Variants in FBN2 observed in about 807,000 individuals in gnomAD.
The protein encoded by FBN2 is fibrillin-2.
A neutral mutation model predicts 355.6 loss-of-function variants in FBN2; 105 were observed. That is an observed-to-expected ratio of 0.30 (90% CI 0.25 to 0.35). FBN2 has a LOEUF of 0.35. Among genes scored for constraint, FBN2 ranks in the 10% least tolerant of loss-of-function variants. The pLI, the probability that FBN2 is intolerant of heterozygous loss-of-function variation, is 1.00. For missense variants in FBN2, 3,280 were observed against 3,758.7 expected (o/e 0.87, Z 3.33); for synonymous variants, 1,350 against 1,301.2 (o/e 1.04, Z -0.81).
chr5:128,311,015 T>C (rs903546294), intron 39 of FBN2, among the ~76,000 whole-genome samples: 1 of 152,166 alleles, frequency 6.6e-6, no homozygotes, highest in Admixed American at 6.5e-5. Context: ...TATCAATATT[T>C]TCACTAATAA....
At chr5:128,382,729 C>T (rs1021677259) in intron 11 of FBN2, among the ~76,000 whole-genome samples, 2 of 152,052 alleles carry the variant, frequency 1.3e-5, no homozygotes, top group African/African-American at 2.4e-5. Context: ...TCTTTGACTC[C>T]CCACAACTAA....
chr5:128,530,196 A>C (rs1050480823), intron 3 of FBN2, among the ~76,000 whole-genome samples: 6 of 152,216 alleles, frequency 3.9e-5, no homozygotes, highest in Non-Finnish European at 7.3e-5. Flanking sequence ...GTTGGCAGTT[A>C]ATACATGTGA....
intron 8 of FBN2, among the ~76,000 whole-genome samples, chr5:128,400,130 T>A (rs2126988350): frequency 6.6e-6 from 1 of 152,078 alleles, no homozygotes; most frequent in East Asian, 1.9e-4. Context: ...ACATAGTAGG[T>A]ATATACTTAA....
chr5:128,328,064 T>C (rs1412387434), intron 34 of FBN2: 1 of 158,832 alleles, frequency 6.3e-6, no homozygotes, highest in African/African-American at 2.4e-5. Context: ...CATAACACAA[T>C]GATGGCTCAA....
rs1029299660 is a variant in FBN2, at chr5:128,527,916, T to A, written c.488A>T (p.His163Leu). The change falls in exon 4 of 65, where the codon CAC becomes CTC. Residue 163 changes from histidine to leucine, a missense_variant. Coordinates refer to ENST00000262464, the MANE Select transcript of FBN2 (RefSeq NM_001999.4). ...CMNGGTCADD[H>L]CQCQKGYIGT... ...AATATATCCTTTCTGGCACTGGCAG[T>A]GGTCATCTGCACAGGTCCCACCATT... is the stretch of plus-strand genomic sequence containing the variant. 6.2e-7 allele frequency: 1 copy of A among 1,612,772 alleles called. No homozygotes were observed. The highest frequency in any genetic ancestry group is 1.7e-5 in the Admixed American group (1 of 59,898).
intron 5 of FBN2, among the ~76,000 whole-genome samples, chr5:128,470,560 A>G (rs778296489): frequency 6.6e-6 from 1 of 152,086 alleles, no homozygotes; most frequent in African/African-American, 2.4e-5. Context: ...GATGTGGGGG[A>G]AAAAAACAGA....
chr5:128,306,931 A>C (rs1749900606), intron 42 of FBN2, among the ~76,000 whole-genome samples: 1 of 152,214 alleles, frequency 6.6e-6, no homozygotes, highest in African/African-American at 2.4e-5. Flanking sequence ...ACCATAACCC[A>C]ATCACCAGAC....
intron 27 of FBN2, 129 bp from the exon 28 acceptor site, chr5:128,336,242 T>G: frequency 1.1e-6 from 1 of 881,406 alleles, no homozygotes; most frequent in Non-Finnish European, 1.9e-6. Context: ...AATGTTCTCC[T>G]GGGGGATTGA....
At chr5:128,444,569 T>C (rs971989939) in intron 7 of FBN2, among the ~76,000 whole-genome samples, 1 of 152,232 alleles carries the variant, frequency 6.6e-6, no homozygotes, top group African/African-American at 2.4e-5. Flanking sequence ...TAATTATTTC[T>C]GGGCAATGGT....
chr5:128,357,056 T>C (rs1377565478), intron 20 of FBN2, among the ~76,000 whole-genome samples: 3 of 152,228 alleles, frequency 2.0e-5, no homozygotes, highest in Admixed American at 6.5e-5. Context: ...TATCTACTTA[T>C]ATAAAAGGAA....
Position 128,263,630 on chromosome 5 carries a change from C to T in FBN2, c.7987G>A (p.Ala2663Thr), listed in dbSNP as rs1245151549. 3.1e-6 allele frequency: 5 copies of T among 1,614,022 alleles called. No individual in the cohort carries two copies. The highest frequency in any genetic ancestry group is 4.2e-6 in the Non-Finnish European group (5 of 1,179,920). ...VDENECSNPN[A>T]CGSASCYNTL... ...TTGTAGCAGGAAGCAGAGCCACAGG[C>T]ATTGGGATTGGAGCATTCATTCTCA... is the stretch of plus-strand genomic sequence containing the variant. Residue 2663 changes from alanine (A) to threonine (T), a missense_variant, in exon 63 of 65, where the codon GCC (alanine) becomes ACC (threonine). Ala to Thr is a moderately conservative substitution (Grantham distance 58). Around this residue, in one of 6 missense-constraint regions of FBN2, gnomAD observed 311 missense variants for 319.1 expected, o/e 0.97. Coordinates refer to ENST00000262464, the MANE Select transcript of FBN2 (RefSeq NM_001999.4).
chr5:128,315,899 G>A (rs1750188093), intron 36 of FBN2, among the ~76,000 whole-genome samples: 1 of 152,112 alleles, frequency 6.6e-6, no homozygotes, highest in Non-Finnish European at 1.5e-5. Flanking sequence ...ATTCACCTAG[G>A]ATATTGGTCT....
Position 128,376,731 on chromosome 5 carries a change from C to T in FBN2, c.1972G>A (p.Asp658Asn), listed in dbSNP as rs1752086351. Residue 658 changes from aspartate (D) to asparagine (N), a missense_variant and splice_region_variant, in exon 14 of 65, where the codon GAT becomes AAT. Physicochemically the swap from Asp to Asn is conservative, Grantham distance 23. This residue lies in a region of FBN2 where 2,284 missense variants were observed against 2,749.5 expected (regional missense o/e 0.83). Coordinates refer to ENST00000262464, the MANE Select transcript of FBN2 (RefSeq NM_001999.4). Reference protein sequence around the residue: ...VLAPNGRYCTDVDECQTPGIC... With the variant: ...VLAPNGRYCTNVDECQTPGIC... ...TTTCCTATCTGAAAGCCACACATAC[C>T]AGTACAGTAACGCCCATTTGGAGCC... The T allele has an allele frequency of 6.2e-7, 1 of 1,613,500 alleles. No homozygotes were observed. The highest frequency in any genetic ancestry group is 1.7e-5 in the Admixed American group (1 of 59,962).
chr5:128,459,024 G>A (rs1213335016), intron 6 of FBN2, among the ~76,000 whole-genome samples: 2 of 151,820 alleles, frequency 1.3e-5, no homozygotes, highest in African/African-American at 4.8e-5. Flanking sequence ...CTGGTGTTTT[G>A]AAAAAAATTA....
intron 11 of FBN2, among the ~76,000 whole-genome samples, chr5:128,381,461 T>C (rs1752234079): frequency 6.6e-6 from 1 of 152,128 alleles, no homozygotes; most frequent in Non-Finnish European, 1.5e-5. Context: ...CTGACATAGT[T>C]ACTAGTGTTA....
Position 128,274,634 on chromosome 5 carries a change from G to A in FBN2, c.7644C>T (p.Val2548=). Residue 2548 remains valine (V), a synonymous_variant, in exon 60 of 65, where the codon GTC becomes GTT. Coordinates refer to ENST00000262464, the MANE Select transcript of FBN2 (RefSeq NM_001999.4). The part of the protein sequence containing the change: ...TKQHNCQFLC[V]NTLGGFTCKC... Reference sequence around the variant, plus strand: ...TACAGGTAAACCCCCCCAGGGTGTTGACACAGAGGAACTGGCAGTTATGCT... The same window carrying A: ...TACAGGTAAACCCCCCCAGGGTGTTAACACAGAGGAACTGGCAGTTATGCT... 1 of 1,613,370 alleles carries A rather than the reference G, an allele frequency of 6.2e-7. No homozygotes were observed. Among genetic ancestry groups the A allele is most frequent in the Non-Finnish European group, 8.5e-7 (1 of 1,179,374 alleles).
intron 15 of FBN2, 41 bp from the exon 16 acceptor site, chr5:128,369,375 A>T: frequency 1.2e-6 from 2 of 1,609,388 alleles, no homozygotes; most frequent in Non-Finnish European, 1.7e-6. Flanking sequence ...GCAGTGATAG[A>T]GACAAAGAGA....
chr5:128,492,442 G>A (rs1755533651), intron 5 of FBN2, among the ~76,000 whole-genome samples: 3 of 152,146 alleles, frequency 2.0e-5, no homozygotes, highest in Admixed American at 1.3e-4. Flanking sequence ...AACTATCATG[G>A]AACTATTTCC....
chr5:128,531,874 A>G (rs572649434), intron 2 of FBN2, among the ~76,000 whole-genome samples: 5 of 149,700 alleles, frequency 3.3e-5, no homozygotes, highest in East Asian at 2.0e-4. Context: ...TGCAATAAGG[A>G]AAAAAAAATT....
Sources: gnomAD v4.1 joint callset for allele counts (sites outside exome capture counted in the v4.1 genomes callset) on GRCh38, gnomAD v4.1.1 for gene constraint, gnomAD v4.1.1 regional missense constraint, MANE v1.5 for transcripts, NCBI Gene and HGNC (gene_info 2026-07-23, HGNC 2026-07-21) for gene names.